The following CFAP221 variants were observed in gnomAD, a reference collection of about 807,000 sequenced individuals.
CFAP221 encodes the protein cilia and flagella associated protein 221, also known as cilia- and flagella-associated protein 221.
In CFAP221, 97 loss-of-function variants were observed where a neutral mutation model predicts 113.1. The observed-to-expected ratio is 0.86, with a 90% confidence interval of 0.73 to 1.02. CFAP221 has a LOEUF of 1.02. Among genes scored for constraint, CFAP221 ranks in the 50% least tolerant of loss-of-function variants. CFAP221 has a pLI of 0.00. For synonymous variants in CFAP221, 331 were observed against 354.4 expected (o/e 0.93, Z 0.74); for missense variants, 1,025 against 1,013.4 (o/e 1.01, Z -0.16).
chr2:119,638,035 C>G, intron 19 of CFAP221: 1 of 361,820 alleles, frequency 2.8e-6, no homozygotes. Context: ...TGTAATGAAG[C>G]TCTTAAGCCA....
intron 6 of CFAP221, among the ~76,000 whole-genome samples, chr2:119,575,418 G>A (rs1377374147): frequency 2.6e-5 from 4 of 152,096 alleles, no homozygotes; most frequent in African/African-American, 7.2e-5. Context: ...CTGGTGAGGT[G>A]CAAAGAGCTA....
intron 14 of CFAP221, 105 bp downstream of exon 14, chr2:119,615,814 A>C: frequency 2.5e-6 from 2 of 797,582 alleles, no homozygotes; most frequent in Non-Finnish European, 1.9e-6. Context: ...CAATTTACAC[A>C]CCATAAAATT....
At chr2:119,581,576 G>A (rs749552993) in intron 6 of CFAP221, among the ~76,000 whole-genome samples, 1 of 152,188 alleles carries the variant, frequency 6.6e-6, no homozygotes, top group Non-Finnish European at 1.5e-5. Flanking sequence ...AGGGGGTACG[G>A]AAGCTAGACT....
chr2:119,586,948 A>T, intron 6 of CFAP221, 171 bp from the exon 7 acceptor site: 1 of 484,344 alleles, frequency 2.1e-6, no homozygotes, highest in Non-Finnish European at 3.6e-6. Flanking sequence ...GGATTAAAAT[A>T]GTTAATACAT....
intron 21 of CFAP221, among the ~76,000 whole-genome samples, chr2:119,642,433 A>G (rs948258525): frequency 5.3e-5 from 8 of 151,914 alleles, no homozygotes; most frequent in African/African-American, 1.9e-4. Flanking sequence ...TCAAGGTGCC[A>G]GTAGACTTGG....
chr2:119,560,304 C>G (rs998791182), intron 5 of CFAP221, among the ~76,000 whole-genome samples: 1 of 152,176 alleles, frequency 6.6e-6, no homozygotes, highest in Non-Finnish European at 1.5e-5. Context: ...AAAGCTTCAT[C>G]TATCATGTGG....
rs112242076 is a variant in CFAP221, at chr2:119,557,275, C to T, written c.241-2414C>T. 346 of 152,316 alleles carry T rather than the reference C, an allele frequency of 2.3e-3. 2 individuals carry two copies. Among genetic ancestry groups the T allele is most frequent in the African/African-American group, 7.7e-3 (320 of 41,570 alleles). 9.4% of individuals were successfully genotyped at this position (152,316 alleles called of 1,614,324 possible). ...CCTTGCTACAGGTGGTCGGCTGCAG[C>T]GAACAGGTCTGAGAAGACACTCTGC... On this transcript the variant is annotated intron_variant, in intron 3 of 23. Coordinates refer to ENST00000413369, the MANE Select transcript of CFAP221 (RefSeq NM_001271049.2).
chr2:119,608,953 C>T (rs1463966223), intron 12 of CFAP221, among the ~76,000 whole-genome samples: 1 of 152,138 alleles, frequency 6.6e-6, no homozygotes, highest in Non-Finnish European at 1.5e-5. Flanking sequence ...ATCTACAGAG[C>T]ATGAAGACAA....
chr2:119,633,628 T>G (rs1456682836), intron 19 of CFAP221, among the ~76,000 whole-genome samples: 1 of 139,846 alleles, frequency 7.2e-6, no homozygotes, highest in Non-Finnish European at 1.6e-5. Flanking sequence ...AAATCAATAG[T>G]AAAAAAAAAA....
chr2:119,657,012 G>T (rs1688470018), downstream of CFAP221, among the ~76,000 whole-genome samples: 1 of 152,098 alleles, frequency 6.6e-6, no homozygotes, highest in South Asian at 2.1e-4. Flanking sequence ...ATCCTCCTGG[G>T]AACTCACAGA....
Position 119,627,796 on chromosome 2 carries a change from G to T in CFAP221, c.1650+10G>T. 6.2e-7 allele frequency: 1 copy of T among 1,613,130 alleles called. No individual in the cohort carries two copies. The highest frequency in any genetic ancestry group is 8.5e-7 in the Non-Finnish European group (1 of 1,179,552). On this transcript the variant is annotated intron_variant, in intron 16 of 23. Transcript: ENST00000413369. Reference sequence around the variant, plus strand: ...GGACTCCAACGAGTTGGTAGGTGCCGTCAGGCTTGGGGGCGGGGAGTGGAC... The same window carrying T: ...GGACTCCAACGAGTTGGTAGGTGCCTTCAGGCTTGGGGGCGGGGAGTGGAC...
chr2:119,575,976 T>A (rs1682414442), intron 6 of CFAP221, among the ~76,000 whole-genome samples: 1 of 152,102 alleles, frequency 6.6e-6, no homozygotes, highest in Non-Finnish European at 1.5e-5. Context: ...CTTCCTTTTC[T>A]TAAATTTCTG....
chr2:119,550,686 A>G (rs1053433388), intron 3 of CFAP221, among the ~76,000 whole-genome samples: 2 of 152,234 alleles, frequency 1.3e-5, no homozygotes, highest in African/African-American at 4.8e-5. Flanking sequence ...AAAGGCTAAG[A>G]TAAAATTTTA....
chr2:119,603,047 T>G (rs1684474907), intron 8 of CFAP221, among the ~76,000 whole-genome samples: 1 of 152,174 alleles, frequency 6.6e-6, no homozygotes, highest in Non-Finnish European at 1.5e-5. Flanking sequence ...AACATATAAA[T>G]TCTATCATGA....
rs1006196346 is a variant in CFAP221, at chr2:119,608,646, A to G, written c.1221+57A>G. On this transcript the variant is annotated intron_variant, in intron 12 of 23. Coordinates refer to ENST00000413369, the MANE Select transcript of CFAP221 (RefSeq NM_001271049.2). ...TTTCGCTAGATGTTTTTAAATTCCT[A>G]CTATATGCAAGATGCCAGGTGGAGG... is the stretch of plus-strand genomic sequence containing the variant. The G allele has an allele frequency of 1.5e-5, 21 of 1,446,636 alleles. 1 individual carries two copies. The highest frequency in any genetic ancestry group is 3.9e-6 in the Non-Finnish European group (4 of 1,035,822). The allele number at this position is 1,446,636 out of a possible 1,614,324, so 89.6% of individuals were successfully genotyped here.
intron 19 of CFAP221, 97 bp from the exon 20 acceptor site, chr2:119,638,162 C>A: frequency 7.7e-7 from 1 of 1,300,660 alleles, no homozygotes; most frequent in Non-Finnish European, 1.1e-6. Flanking sequence ...AGTGTTAGTG[C>A]TAGTGGGAGC....
intron 15 of CFAP221, 129 bp downstream of exon 15, chr2:119,625,817 C>A: frequency 1.4e-6 from 1 of 700,812 alleles, no homozygotes; most frequent in Non-Finnish European, 2.4e-6. Flanking sequence ...AGTTTCCTAT[C>A]CTTGCTATAA....
Position 119,601,143 on chromosome 2 carries a change from T to TTG in CFAP221, c.632-65_632-64dup, listed in dbSNP as rs1684337818. 9 of 1,312,218 alleles carry TTG rather than the reference T, an allele frequency of 6.9e-6. No individual in the cohort carries two copies. In the South Asian group the frequency reaches 7.1e-5, roughly 10 times the overall value. 81.3% of individuals were successfully genotyped at this position (1,312,218 alleles called of 1,614,324 possible). ...CACATTGTCAGAGGGTCAGCCATAT[T>TTG]TGTGTGTGTGTCAGCATGTGACTGG... On this transcript the variant is annotated intron_variant, in intron 7 of 23. Transcript: ENST00000413369.
At chr2:119,564,292 G>A (rs1022890181) in intron 6 of CFAP221, among the ~76,000 whole-genome samples, 2 of 152,076 alleles carry the variant, frequency 1.3e-5, no homozygotes, top group Non-Finnish European at 2.9e-5. Context: ...CAGCTGTTGC[G>A]TTGCCCTCCT....
Sources: gnomAD v4.1 joint callset for allele counts (sites outside exome capture counted in the v4.1 genomes callset) on GRCh38, gnomAD v4.1.1 for gene constraint, MANE v1.5 for transcripts, NCBI Gene and HGNC (gene_info 2026-07-23, HGNC 2026-07-21) for gene names.